GABRG3: variants seen among roughly 807,000 people sequenced by gnomAD.
GABRG3 encodes gamma-aminobutyric acid receptor subunit gamma-3.
In GABRG3, 25 loss-of-function variants were observed where a neutral mutation model predicts 48.8. The observed-to-expected ratio is 0.51, with a 90% CI of 0.37 to 0.72. The LOEUF (loss-of-function observed/expected upper bound fraction) is 0.72. Ranked by LOEUF, GABRG3 falls within the 30% of genes least tolerant of loss-of-function variation. The pLI is 0.00. For synonymous variants in GABRG3, 227 were observed against 217.6 expected, an observed-to-expected ratio of 1.04 and a Z score of -0.38; for missense variants, 394 against 577.9, an observed-to-expected ratio of 0.68 and a Z score of 3.26.
intron 3 of GABRG3, among the ~76,000 whole-genome samples, chr15:27,272,771 G>GA (rs1342459735): frequency 2.0e-5 from 3 of 152,076 alleles, no homozygotes; most frequent in African/African-American, 7.2e-5. Context: ...GAAAGTAACA[G>GA]AAAAAAACCC....
intron 5 of GABRG3, among the ~76,000 whole-genome samples, chr15:27,459,788 A>G (rs866313220): frequency 1.3e-5 from 2 of 152,238 alleles, no homozygotes; most frequent in Admixed American, 6.5e-5. Flanking sequence ...AAAATTAAAT[A>G]CCTCAGACTG....
chr15:27,518,140 C>T (rs1009060034), intron 6 of GABRG3, among the ~76,000 whole-genome samples: 4 of 137,268 alleles, frequency 2.9e-5, no homozygotes, highest in Non-Finnish European at 4.5e-5. Flanking sequence ...CACCTGAGGT[C>T]AGGAGTTCGA....
chr15:27,236,242 G>A lies in GABRG3; in HGVS notation c.271-90567G>A, dbSNP rs780764575. Among the ~76,000 whole-genome samples, 158 of 152,124 alleles carry A rather than the reference G, an allele frequency of 1.0e-3. 2 individuals carry two copies. Among genetic ancestry groups the A allele is most frequent in the Non-Finnish European group, 4.0e-4 (27 of 68,024 alleles). ...CTGTGGAGACTCTGATGTGCTCAGC[G>A]CTACATGAGTGAAGTCCCTCAGTCT... On this transcript the variant is annotated intron_variant, in intron 3 of 9. Coordinates refer to ENST00000615808, the MANE Select transcript of GABRG3 (RefSeq NM_033223.5). The surrounding 1 kb of genome is among the most constrained non-coding windows in gnomAD (Gnocchi z 4.4).
chr15:27,332,244 A>G (rs1278516805), intron 5 of GABRG3, among the ~76,000 whole-genome samples: 2 of 152,218 alleles, frequency 1.3e-5, no homozygotes, highest in Non-Finnish European at 2.9e-5. Context: ...GGCTGGGCAC[A>G]GTGGCTCATG....
chr15:27,189,611 G>C (rs1459613460), intron 3 of GABRG3, among the ~76,000 whole-genome samples: 1 of 152,132 alleles, frequency 6.6e-6, no homozygotes, highest in African/African-American at 2.4e-5. Context: ...TTGCTTATCA[G>C]GTTAAGGAGA....
intron 5 of GABRG3, among the ~76,000 whole-genome samples, chr15:27,403,902 C>G: frequency 9.8e-6 from 1 of 102,236 alleles, no homozygotes; most frequent in African/African-American, 4.3e-5. Flanking sequence ...CAAAGCCAGA[C>G]TCAAAAAAAA....
intron 3 of GABRG3, among the ~76,000 whole-genome samples, chr15:27,048,966 T>A (rs1198290155): frequency 2.6e-5 from 4 of 152,246 alleles, no homozygotes; most frequent in African/African-American, 9.6e-5. Flanking sequence ...TGGGGCCTGC[T>A]GCCCACCACG....
chr15:27,226,086 A>C (rs1460532782), intron 3 of GABRG3, among the ~76,000 whole-genome samples: 1 of 152,138 alleles, frequency 6.6e-6, no homozygotes. Context: ...AGTTGATGCA[A>C]ATAGGCAAGA....
rs1360277663 is a variant in GABRG3 at position 27,535,624 on chromosome 15, A to G, written c.*2743A>G. On this transcript the variant is annotated 3_prime_UTR_variant, in exon 10 of 10. Transcript: ENST00000615808. Reference sequence around the variant, plus strand: ...AGCAGGCTCCCCACTAGGGGGTCTCAATAAAAAGAGCTAAAGCACCCCCTA... The same window carrying G: ...AGCAGGCTCCCCACTAGGGGGTCTCGATAAAAAGAGCTAAAGCACCCCCTA... 1 of 152,228 alleles carries G rather than the reference A, an allele frequency of 6.6e-6. No homozygotes were observed. The highest frequency in any genetic ancestry group is 1.5e-5 in the Non-Finnish European group (1 of 68,052). The allele number at this position is 152,228 out of a possible 1,614,324, so 9.4% of individuals were successfully genotyped here.
intron 5 of GABRG3, among the ~76,000 whole-genome samples, chr15:27,417,770 G>A (rs1340190383): frequency 6.6e-6 from 1 of 152,168 alleles, no homozygotes; most frequent in Non-Finnish European, 1.5e-5. Context: ...ACTGGGCAGG[G>A]GTTCCCTTTG....
chr15:27,232,271 G>T (rs572859170), intron 3 of GABRG3, among the ~76,000 whole-genome samples: 1 of 152,152 alleles, frequency 6.6e-6, no homozygotes, highest in Non-Finnish European at 1.5e-5. Flanking sequence ...TGAATTGAGG[G>T]CAGATTATAA....
intron 6 of GABRG3, among the ~76,000 whole-genome samples, chr15:27,517,600 TAAATG>T (rs1891053429): frequency 6.6e-6 from 1 of 152,240 alleles, no homozygotes; most frequent in South Asian, 2.1e-4. Flanking sequence ...GCAGTGGTGA[TAAATG>T]AAATTACTCT....
chr15:27,268,522 A>T (rs534320453), intron 3 of GABRG3, among the ~76,000 whole-genome samples: 10 of 151,404 alleles, frequency 6.6e-5, no homozygotes, highest in African/African-American at 2.2e-4. Context: ...ATTAATTTTT[A>T]CTCTGATTTT....
At chr15:27,159,210 G>A (rs977185411) in intron 3 of GABRG3, among the ~76,000 whole-genome samples, 1 of 152,128 alleles carries the variant, frequency 6.6e-6, no homozygotes, top group Non-Finnish European at 1.5e-5. Flanking sequence ...GGCCGGGCAT[G>A]GTGGTTCACG....
At chr15:26,994,864 G>T (rs934800566) in intron 2 of GABRG3, among the ~76,000 whole-genome samples, 1 of 151,792 alleles carries the variant, frequency 6.6e-6, no homozygotes, top group South Asian at 2.1e-4. Context: ...CTTGTTTTAT[G>T]GCTTAGCATA....
chr15:27,511,083 A>G lies in GABRG3; in HGVS notation c.713-8889A>G, dbSNP rs75437728. Among the ~76,000 whole-genome samples the G allele has an allele frequency of 8.6e-3, 1,303 of 152,352 alleles. 8 individuals are homozygous for G. Among genetic ancestry groups the G allele is most frequent in the Middle Eastern group, 0.037 (11 of 294 alleles). ...AGAATGCCAGAACACAAGTGAAAAG[A>G]AAAGGAAGAAAAAACAATTATCATT... On this transcript the variant is annotated intron_variant, in intron 6 of 9. Transcript: ENST00000615808.
At chr15:27,104,822 G>A (rs1897422288) in intron 3 of GABRG3, among the ~76,000 whole-genome samples, 1 of 152,120 alleles carries the variant, frequency 6.6e-6, no homozygotes, top group African/African-American at 2.4e-5. Context: ...TTGTCTATGT[G>A]GAACTATACA....
chr15:27,014,094 A>G (rs886850471), intron 2 of GABRG3, among the ~76,000 whole-genome samples: 3 of 152,124 alleles, frequency 2.0e-5, no homozygotes, highest in African/African-American at 7.2e-5. Context: ...CAATTGGCGT[A>G]CAATTATTCA....
intron 2 of GABRG3, among the ~76,000 whole-genome samples, chr15:26,992,346 A>T (rs879727947): frequency 3.9e-5 from 6 of 152,178 alleles, no homozygotes; most frequent in Non-Finnish European, 5.9e-5. Context: ...TTCCCATTCA[A>T]TATGATACTA....
Sources: gnomAD v4.1 joint callset for allele counts (sites outside exome capture counted in the v4.1 genomes callset) on GRCh38, gnomAD v4.1.1 for gene constraint, Gnocchi (gnomAD v3.1) non-coding constraint, MANE v1.5 for transcripts, NCBI Gene and HGNC (gene_info 2026-07-23, HGNC 2026-07-21) for gene names.